Variants in HERC3 observed in about 807,000 individuals in gnomAD.
HERC3 encodes the protein HECT and RLD domain containing E3 ubiquitin protein ligase 3, also known as probable E3 ubiquitin-protein ligase HERC3.
HERC3 carries 58 observed loss-of-function variants against 129.9 expected under a neutral mutation model. The observed-to-expected ratio is 0.45, with a 90% CI of 0.36 to 0.56. The LOEUF (loss-of-function observed/expected upper bound fraction) is 0.56, where lower values mean the gene tolerates loss of function less well. Ranked by LOEUF, HERC3 falls within the 20% of genes least tolerant of loss-of-function variation. The probability of loss-of-function intolerance (pLI) is 0.00; values close to 1 mark genes in which losing one functional copy is unlikely to be tolerated. For missense variants in HERC3, 835 were observed against 1,244.2 expected (o/e 0.67, Z 4.95); for synonymous variants, 430 against 451.0 (o/e 0.95, Z 0.59).
intron 3 of HERC3, among the ~76,000 whole-genome samples, chr4:88,615,778 A>T (rs1724838713): frequency 6.6e-6 from 1 of 152,180 alleles, no homozygotes; most frequent in South Asian, 2.1e-4. Context: ...ATTATTATTT[A>T]TTCTTATTTT....
the HERC3 span, among the ~76,000 whole-genome samples, chr4:88,578,808 C>T: frequency 1.3e-5 from 2 of 151,952 alleles, no homozygotes; most frequent in Non-Finnish European, 1.5e-5. Context: ...GCATGGGAAA[C>T]GGAAATGACT....
At chr4:88,559,835 T>C in the HERC3 span, among the ~76,000 whole-genome samples, 1 of 152,238 alleles carries the variant, frequency 6.6e-6, no homozygotes, top group Non-Finnish European at 1.5e-5. Context: ...ACAGTAGTTC[T>C]ATTTTTAATT....
At chr4:88,624,145 A>AT (rs1725839728) in intron 3 of HERC3, among the ~76,000 whole-genome samples, 1 of 152,194 alleles carries the variant, frequency 6.6e-6, no homozygotes, top group Non-Finnish European at 1.5e-5. Context: ...TGGTATTCCC[A>AT]TTTTATGGAT....
intron 23 of HERC3, chr4:88,697,682 C>T: frequency 6.2e-7 from 1 of 1,611,496 alleles, no homozygotes; most frequent in Middle Eastern, 1.7e-4. Flanking sequence ...GCCATTACCT[C>T]CTCTGCCGCT....
rs114572044 is a variant in HERC3, at chr4:88,663,980, G to C, written c.1272-173G>C. On this transcript the variant is annotated intron_variant, in intron 11 of 25. Transcript: ENST00000402738. ...GGAAACTTAAGTTCTTCTTCATTTTGAGATGTGACATCCTGTTTTTCTAAA... is the reference window on the plus strand; with the variant it reads ...GGAAACTTAAGTTCTTCTTCATTTTCAGATGTGACATCCTGTTTTTCTAAA... 0.013 allele frequency among the ~76,000 whole-genome samples: 1,913 copies of C among 152,180 alleles called. 21 individuals carry two copies. Among genetic ancestry groups the C allele is most frequent in the Admixed American group, 0.03 (452 of 15,288 alleles).
At chr4:88,531,749 T>C in the HERC3 span, among the ~76,000 whole-genome samples, 1 of 152,172 alleles carries the variant, frequency 6.6e-6, no homozygotes, top group South Asian at 2.1e-4. Flanking sequence ...GAGGCAGAGA[T>C]GAGCTTCCTG....
chr4:88,560,005 G>GC, the HERC3 span, among the ~76,000 whole-genome samples: 3 of 149,514 alleles, frequency 2.0e-5, no homozygotes, highest in Non-Finnish European at 4.4e-5. Context: ...TGTCGCCCAG[G>GC]CTGGAGTGCA....
At chr4:88,618,265 C>T (rs1725140034) in intron 3 of HERC3, among the ~76,000 whole-genome samples, 1 of 152,166 alleles carries the variant, frequency 6.6e-6, no homozygotes. Flanking sequence ...CCAGCCTGTG[C>T]TTTATTCATC....
intron 23 of HERC3, among the ~76,000 whole-genome samples, chr4:88,698,319 G>A (rs894891427): frequency 2.6e-5 from 4 of 152,120 alleles, no homozygotes; most frequent in African/African-American, 9.7e-5. Context: ...GTGCATGTGT[G>A]TGGATAGGGC....
intron 13 of HERC3, 46 bp from the exon 14 acceptor site, chr4:88,667,846 A>G: frequency 7.3e-7 from 1 of 1,378,150 alleles, no homozygotes; most frequent in South Asian, 1.2e-5. Context: ...AGTTAACTAG[A>G]TCTCAAGTAT....
intron 20 of HERC3, 23 bp from the exon 21 acceptor site, chr4:88,681,136 A>G (rs1007480705): frequency 1.3e-6 from 2 of 1,565,260 alleles, no homozygotes; most frequent in Non-Finnish European, 1.7e-6. Context: ...TCTTTTTAAC[A>G]CATTTGTATG....
intron 3 of HERC3, among the ~76,000 whole-genome samples, chr4:88,638,156 A>G (rs975685022): frequency 3.9e-5 from 6 of 152,230 alleles, no homozygotes; most frequent in African/African-American, 1.2e-4. Context: ...GAATTCTACC[A>G]GAGGTACAAA....
chr4:88,677,974 A>G lies in HERC3; in HGVS notation c.2036A>G (p.Asn679Ser). 1 of 1,612,196 alleles carries G rather than the reference A, an allele frequency of 6.2e-7. No individual in the cohort carries two copies. Among genetic ancestry groups the G allele is most frequent in the Non-Finnish European group, 8.5e-7 (1 of 1,179,956 alleles). ...ACTGTGCCATTCCAGGTGGCAGTCA[A>G]TGGAGCCAACCTGCAGAATGTCTTC... ...DAELQMQVAV[N>S]GANLQNVFML... Residue 679 changes from asparagine to serine, a missense_variant, in exon 19 of 26, where the codon AAT becomes AGT. By Grantham distance (46) the Asn-to-Ser change is conservative (BLOSUM62 1). Transcript: ENST00000402738.
At chr4:88,614,050 T>C (rs1724643603) in intron 3 of HERC3, among the ~76,000 whole-genome samples, 1 of 152,230 alleles carries the variant, frequency 6.6e-6, no homozygotes, top group African/African-American at 2.4e-5. Context: ...TACTTGTTAG[T>C]GTGAGGTATT....
In HERC3 at chr4:88,706,976, C is replaced by T; in HGVS notation, c.*16C>T. ...TTTGGCCTGAGGCTTCTCAGCTTGT[C>T]CAGTATTTCCCTTCGTTCCTCAGTG... On this transcript the variant is annotated 3_prime_UTR_variant, in exon 26 of 26. Coordinates refer to ENST00000402738, the MANE Select transcript of HERC3 (RefSeq NM_014606.3). The T allele has an allele frequency of 6.3e-7, 1 of 1,594,698 alleles. No individual in the cohort carries two copies. The highest frequency in any genetic ancestry group is 8.6e-7 in the Non-Finnish European group (1 of 1,162,366).
chr4:88,591,465 T>A (rs187273877), upstream of HERC3, among the ~76,000 whole-genome samples: 174 of 152,342 alleles, frequency 1.1e-3, no homozygotes, highest in African/African-American at 3.3e-3. Context: ...GATTTGAATG[T>A]CCTTGGTAAG....
chr4:88,640,294 A>G (rs556490135), intron 3 of HERC3, among the ~76,000 whole-genome samples: 9 of 152,348 alleles, frequency 5.9e-5, no homozygotes, highest in East Asian at 1.9e-4. Context: ...TTGCAGCACT[A>G]TTTACAATAG....
At chr4:88,550,820 T>C in the HERC3 span, among the ~76,000 whole-genome samples, 1 of 151,722 alleles carries the variant, frequency 6.6e-6, no homozygotes, top group Non-Finnish European at 1.5e-5. Flanking sequence ...AGAGCCTGCA[T>C]TGCCAAGTCA....
chr4:88,702,934 T>G lies in HERC3; in HGVS notation c.2658-1164T>G, dbSNP rs1735453154. Among the ~76,000 whole-genome samples, 3 of 152,292 alleles carry G rather than the reference T, an allele frequency of 2.0e-5. No homozygotes were observed. In the South Asian group the frequency reaches 6.2e-4, roughly 32 times the overall value. ...AAACATGGAGCTGAGACCCACAATC[T>G]GCAGCAACCTGCCCGGGAAACCAAC... On this transcript the variant is annotated intron_variant, in intron 23 of 25. Transcript: ENST00000402738.
Sources: gnomAD v4.1 joint callset for allele counts (sites outside exome capture counted in the v4.1 genomes callset) on GRCh38, gnomAD v4.1.1 for gene constraint, MANE v1.5 for transcripts, NCBI Gene and HGNC (gene_info 2026-07-23, HGNC 2026-07-21) for gene names.